RGS6: variants seen among roughly 807,000 people sequenced by gnomAD.
The protein encoded by RGS6 is regulator of G-protein signaling 6.
Under a neutral mutation model 78.5 loss-of-function variants are expected in RGS6, and 30 were observed. That is an observed-to-expected ratio of 0.38 (90% CI 0.29 to 0.52). RGS6 has a LOEUF of 0.52. Ranked by LOEUF, RGS6 falls within the 20% of genes least tolerant of loss-of-function variation. The pLI is 0.85. For synonymous variants in RGS6, 206 were observed against 206.0 expected, an observed-to-expected ratio of 1.00 and a Z score of 0.00; for missense variants, 495 against 609.7, an observed-to-expected ratio of 0.81 and a Z score of 1.98.
At chr14:72,444,026 C>G (rs1456304072) in intron 3 of RGS6, among the ~76,000 whole-genome samples, 1 of 152,188 alleles carries the variant, frequency 6.6e-6, no homozygotes, top group African/African-American at 2.4e-5. Flanking sequence ...TCTCCCCTTG[C>G]CCTGGACGCT....
At chr14:72,442,064 C>T (rs550142351) in intron 3 of RGS6, among the ~76,000 whole-genome samples, 3 of 152,282 alleles carry the variant, frequency 2.0e-5, no homozygotes, top group Admixed American at 6.5e-5. Context: ...GGAGATCAGT[C>T]CTCACCAACG....
At position 72,452,544 on chromosome 14, in the gene RGS6, C is replaced by G. The variant is rs533730188; in HGVS notation, c.185-1984C>G. Among the ~76,000 whole-genome samples, 5 of 152,318 alleles carry G rather than the reference C, an allele frequency of 3.3e-5. 1 individual carries two copies. In the South Asian group the frequency reaches 1.0e-3, roughly 32 times the overall value. On this transcript the variant is annotated intron_variant, in intron 3 of 17. Transcript: ENST00000553525. ...CCACTTCTGGCCACCAGTCACATAT[C>G]TAAGAAAACTGATTTCTGGGAAGAG...
At chr14:72,339,143 A>C (rs1055868446) in intron 2 of RGS6, among the ~76,000 whole-genome samples, 1 of 152,082 alleles carries the variant, frequency 6.6e-6, no homozygotes, top group Non-Finnish European at 1.5e-5. Context: ...ACCAAAATTC[A>C]TATGTTGAAA....
In RGS6 at chr14:72,557,197, T is replaced by TTAA. The variant is rs2097591654; in HGVS notation, c.1423-5217_1423-5215dup. 2.0e-5 allele frequency among the ~76,000 whole-genome samples: 3 copies of TTAA among 152,100 alleles called. No individual in the cohort carries two copies. In the South Asian group the frequency reaches 6.2e-4, roughly 32 times the overall value. On this transcript the variant is annotated intron_variant, in intron 17 of 17. Coordinates refer to ENST00000553525, the MANE Select transcript of RGS6 (RefSeq NM_001204424.2). ...CCCCACCTTGTTTCACAGAGTTGAG[T>TTAA]TAATAGAGGGTGATAAGAAATAGAG...
At chr14:72,188,707 C>A (rs2097283427) in intron 2 of RGS6, among the ~76,000 whole-genome samples, 1 of 152,184 alleles carries the variant, frequency 6.6e-6, no homozygotes, top group Admixed American at 6.5e-5. Flanking sequence ...ACACAGCCTC[C>A]ATTTCTGTGG....
At chr14:71,915,947 G>C in the RGS6 span, among the ~76,000 whole-genome samples, 80 of 152,342 alleles carry the variant, frequency 5.3e-4, no homozygotes, top group African/African-American at 1.8e-3. Context: ...GGCACAGCAA[G>C]AATGTGGCCG....
chr14:72,120,041 G>C (rs1427032170), intron 2 of RGS6, among the ~76,000 whole-genome samples: 1 of 152,194 alleles, frequency 6.6e-6, no homozygotes, highest in Non-Finnish European at 1.5e-5. Context: ...AAAGTATCCA[G>C]ACTGACTCAG....
intron 17 of RGS6, among the ~76,000 whole-genome samples, chr14:72,560,560 G>T (rs1211475531): frequency 6.9e-6 from 1 of 145,066 alleles, no homozygotes; most frequent in African/African-American, 2.9e-5. Context: ...ACCCGGGGCT[G>T]GGGGGAGCCC....
chr14:71,987,531 T>A (rs1172087329), intron 2 of RGS6, among the ~76,000 whole-genome samples: 1 of 151,916 alleles, frequency 6.6e-6, no homozygotes, highest in Non-Finnish European at 1.5e-5. Context: ...ATTTTATTTA[T>A]TTTTTATTTT....
chr14:72,623,341 G>A, the RGS6 span, among the ~76,000 whole-genome samples: 1 of 151,942 alleles, frequency 6.6e-6, no homozygotes, highest in East Asian at 1.9e-4. Context: ...GAAAAATGAG[G>A]CAAATGAATT....
At chr14:72,349,723 C>T (rs1300202642) in intron 2 of RGS6, among the ~76,000 whole-genome samples, 3 of 152,126 alleles carry the variant, frequency 2.0e-5, no homozygotes, top group East Asian at 1.9e-4. Context: ...AAGATTCAGT[C>T]GTGTGGTGAA....
the RGS6 span, among the ~76,000 whole-genome samples, chr14:71,897,808 C>A: frequency 1.3e-5 from 2 of 152,142 alleles, no homozygotes; most frequent in Non-Finnish European, 2.9e-5. Flanking sequence ...CGTGAGCCAC[C>A]GCGCCCGGCC....
intron 17 of RGS6, chr14:72,541,676 G>C (rs2097329600): frequency 6.6e-7 from 1 of 1,505,958 alleles, no homozygotes. Flanking sequence ...CTACTGTGCG[G>C]GTGGAGGATG....
At chr14:72,243,762 T>C (rs2053515136) in intron 2 of RGS6, among the ~76,000 whole-genome samples, 1 of 152,158 alleles carries the variant, frequency 6.6e-6, no homozygotes. Context: ...ACCTTTTTTT[T>C]TTTTCTTGTC....
intron 2 of RGS6, among the ~76,000 whole-genome samples, chr14:72,295,439 G>T (rs1159780222): frequency 6.6e-6 from 1 of 152,112 alleles, no homozygotes; most frequent in Non-Finnish European, 1.5e-5. Flanking sequence ...GATCCGGCTG[G>T]CCCAGAGAGA....
chr14:72,552,008 T>C (rs1369161659), intron 17 of RGS6, among the ~76,000 whole-genome samples: 2 of 152,252 alleles, frequency 1.3e-5, no homozygotes, highest in African/African-American at 4.8e-5. Context: ...AGAATCAGTT[T>C]CATCATTATG....
At chr14:72,467,833 C>T (rs2095962771) in intron 7 of RGS6, among the ~76,000 whole-genome samples, 1 of 152,164 alleles carries the variant, frequency 6.6e-6, no homozygotes, top group African/African-American at 2.4e-5. Flanking sequence ...GCAATCACAG[C>T]ACCCCTCCTT....
intron 3 of RGS6, among the ~76,000 whole-genome samples, chr14:72,450,855 G>A (rs1000095208): frequency 6.6e-6 from 1 of 152,174 alleles, no homozygotes; most frequent in Non-Finnish European, 1.5e-5. Flanking sequence ...TGATTTGGAT[G>A]TTTGGACTAC....
chr14:72,381,520 C>T (rs569176816), intron 3 of RGS6, among the ~76,000 whole-genome samples: 47 of 152,048 alleles, frequency 3.1e-4, no homozygotes, highest in South Asian at 1.5e-3. Context: ...TAAAAATGGA[C>T]GCTACAAGGC....
Sources: allele counts gnomAD v4.1 joint callset (sites outside exome capture counted in the v4.1 genomes callset), GRCh38; gene constraint gnomAD v4.1.1; transcripts MANE v1.5; gene names NCBI Gene and HGNC (gene_info 2026-07-23, HGNC 2026-07-21).